PBRM1: variants seen among roughly 807,000 people sequenced by gnomAD.
The protein encoded by PBRM1 is protein polybromo-1.
PBRM1 carries 27 observed loss-of-function variants against 194.5 expected under a neutral mutation model. The ratio of observed to expected loss-of-function variants is 0.14; its 90% CI spans 0.10 to 0.19. The LOEUF (loss-of-function observed/expected upper bound fraction) is 0.19, where lower values mean the gene tolerates loss of function less well. PBRM1 is among the 10% of genes least tolerant of loss of function. The probability of loss-of-function intolerance (pLI) is 1.00; values close to 1 mark genes in which losing one functional copy is unlikely to be tolerated. For missense variants in PBRM1, 1,466 were observed against 2,077.2 expected (o/e 0.71, Z 5.72); for synonymous variants, 655 against 693.2 (o/e 0.94, Z 0.87).
intron 11 of PBRM1, among the ~76,000 whole-genome samples, 182 bp from the exon 13 acceptor site, chr3:52,629,217 G>C (rs890184442): frequency 6.6e-6 from 1 of 151,926 alleles, no homozygotes; most frequent in Non-Finnish European, 1.5e-5. Context: ...ATTACATTAA[G>C]GTAATATGAC....
Position 52,609,916 on chromosome 3 carries a change from A to G in PBRM1, c.1964T>C (p.Met655Thr), listed in dbSNP as rs1278253484. 6.5e-7 allele frequency: 1 copy of G among 1,530,490 alleles called. No individual in the cohort carries two copies. Among genetic ancestry groups the G allele is most frequent in the Non-Finnish European group, 8.8e-7 (1 of 1,139,524 alleles). The allele number at this position is 1,530,490 out of a possible 1,614,324, so 94.8% of individuals were successfully genotyped here. ...ATTTAGTTTCTGCTGCATTGGAGTC[A>G]TGTATTTTGATTTTTTAGGAGAAAT... Residue 655 changes from methionine (M) to threonine (T), a missense_variant, in exon 16 of 30, where the codon ATG becomes ACG. Physicochemically the swap from Met to Thr is moderately conservative, Grantham distance 81. Around this residue, in one of 5 missense-constraint regions of PBRM1, gnomAD observed 687 missense variants for 946.2 expected, o/e 0.73. Transcript: ENST00000296302. This position sits in a 1 kb window ranked among gnomAD's most constrained non-coding sequence, Gnocchi z 4.1.
At chr3:52,556,710 G>C (rs1296540290) in intron 26 of PBRM1, among the ~76,000 whole-genome samples, 1 of 152,208 alleles carries the variant, frequency 6.6e-6, no homozygotes, top group Non-Finnish European at 1.5e-5. Flanking sequence ...TAAGAAACCT[G>C]TAAAACCATG....
intron 21 of PBRM1, among the ~76,000 whole-genome samples, chr3:52,577,854 A>G (rs1223221046): frequency 6.6e-6 from 1 of 152,186 alleles, no homozygotes; most frequent in Non-Finnish European, 1.5e-5. Context: ...CAATCCTATT[A>G]AGATCTAAAC....
upstream of PBRM1, among the ~76,000 whole-genome samples, chr3:52,684,603 T>C (rs557155475): frequency 6.6e-6 from 1 of 152,328 alleles, no homozygotes; most frequent in East Asian, 1.9e-4. Flanking sequence ...TTTACCAAAA[T>C]GTTAACAAAC....
intron 17 of PBRM1, among the ~76,000 whole-genome samples, chr3:52,595,887 T>C (rs941341015): frequency 1.3e-5 from 2 of 152,228 alleles, no homozygotes; most frequent in African/African-American, 4.8e-5. Context: ...GCACCGTTTA[T>C]TGAAGAGACT....
downstream of PBRM1, chr3:52,547,446 A>G (rs774898080): frequency 2.1e-5 from 5 of 233,398 alleles, no homozygotes; most frequent in Non-Finnish European, 4.2e-5. Context: ...TTAATAGAGC[A>G]AATGTGCTGT....
chr3:52,684,663 A>G (rs925823876), upstream of PBRM1, among the ~76,000 whole-genome samples: 12 of 152,326 alleles, frequency 7.9e-5, no homozygotes, highest in African/African-American at 2.6e-4. Flanking sequence ...CTTCCAAGTC[A>G]ACATTCTTCC....
chr3:52,667,537 G>T (rs1007284431), intron 3 of PBRM1, among the ~76,000 whole-genome samples: 1 of 152,112 alleles, frequency 6.6e-6, no homozygotes, highest in Non-Finnish European at 1.5e-5. Flanking sequence ...TGGATCACTT[G>T]AGGTCAGGAG....
chr3:52,620,071 A>C (rs781469802), intron 13 of PBRM1, among the ~76,000 whole-genome samples: 2 of 152,314 alleles, frequency 1.3e-5, no homozygotes, highest in Non-Finnish European at 2.9e-5. Flanking sequence ...TACCTAGTGG[A>C]AACTCCTTCT....
chr3:52,667,746 CAAAA>C (rs34993730), intron 3 of PBRM1, among the ~76,000 whole-genome samples: 4 of 85,556 alleles, frequency 4.7e-5, no homozygotes, highest in Admixed American at 1.3e-4. Flanking sequence ...GACTTTGCCT[CAAAA>C]AAAAAAAAAA....
At chr3:52,607,850 T>C (rs1345008181) in intron 16 of PBRM1, among the ~76,000 whole-genome samples, 2 of 152,230 alleles carry the variant, frequency 1.3e-5, no homozygotes, top group Admixed American at 6.5e-5. Context: ...AACCATATTA[T>C]TAAGGACCAT....
At chr3:52,586,306 G>A (rs1168375623) in intron 20 of PBRM1, 119 bp downstream of exon 22, 3 of 816,250 alleles carry the variant, frequency 3.7e-6, no homozygotes, top group Non-Finnish European at 3.9e-6. Flanking sequence ...CCTTCTTCCT[G>A]TTTGGCTAAG....
intron 13 of PBRM1, chr3:52,624,920 CAT>C: frequency 6.5e-7 from 1 of 1,548,402 alleles, no homozygotes; most frequent in South Asian, 1.2e-5. Context: ...TGAGACCCAA[CAT>C]CTCACTGTCA....
intron 13 of PBRM1, 78 bp from the exon 15 acceptor site, chr3:52,625,019 A>G (rs1197732740): frequency 1.2e-5 from 11 of 943,682 alleles, no homozygotes; most frequent in Non-Finnish European, 1.7e-5. Context: ...CAAACCATGT[A>G]TGGTTGAAGA....
chr3:52,678,147 T>G (rs2097144625), intron 2 of PBRM1, among the ~76,000 whole-genome samples: 1 of 152,016 alleles, frequency 6.6e-6, no homozygotes, highest in Non-Finnish European at 1.5e-5. Flanking sequence ...GTTTTTGTTT[T>G]TAAGAGACGG....
At chr3:52,586,670 G>C (rs2153776957) in exon 20 of PBRM1, 2 of 1,598,644 alleles carry the variant, frequency 1.3e-6, no homozygotes, top group African/African-American at 2.7e-5. Context: ...AAGTTTTCTG[G>C]GCATAACTTA....
rs34764212 is a variant in PBRM1 at position 52,549,146 on chromosome 3, A to G, written c.4898-911T>C. Among the ~76,000 whole-genome samples the G allele has an allele frequency of 2.0e-3, 306 of 152,018 alleles. 1 individual carries two copies. The highest frequency in any genetic ancestry group is 0.01 in the Middle Eastern group (3 of 294). On this transcript the variant is annotated intron_variant, in intron 29 of 29. Transcript: ENST00000296302. The stretch of plus-strand genomic sequence containing the variant: ...ATGATTCTCGTGCCTCAGCCTCCCA[A>G]GTAGCTGGGATTACAGACACCAGAC...
intron 22 of PBRM1, among the ~76,000 whole-genome samples, chr3:52,567,575 A>AAAG (rs1387557037): frequency 6.6e-6 from 1 of 150,616 alleles, no homozygotes; most frequent in Non-Finnish European, 1.5e-5. Flanking sequence ...CAAAAAAAAA[A>AAAG]AAAAAAGAAA....
At chr3:52,683,268 G>A (rs2097243791), upstream of PBRM1, among the ~76,000 whole-genome samples, 1 of 151,954 alleles carries the variant, frequency 6.6e-6, no homozygotes, top group Non-Finnish European at 1.5e-5. Flanking sequence ...CAGTTACTTG[G>A]GAGGCTGAAG....
Sources: allele counts gnomAD v4.1 joint callset (sites outside exome capture counted in the v4.1 genomes callset), GRCh38; gene constraint gnomAD v4.1.1; regional missense constraint gnomAD v4.1.1; non-coding constraint Gnocchi (gnomAD v3.1); transcripts MANE v1.5; gene names NCBI Gene and HGNC (gene_info 2026-07-23, HGNC 2026-07-21).